The following PARP2 variants were observed in gnomAD, a reference collection of about 807,000 sequenced individuals.
The protein encoded by PARP2 is poly(ADP-ribose) polymerase 2.
A neutral mutation model predicts 77.8 loss-of-function variants in PARP2; 57 were observed. The ratio of observed to expected loss-of-function variants is 0.73; its 90% CI spans 0.59 to 0.91. PARP2 has a LOEUF of 0.91. Ranked by LOEUF, PARP2 falls within the 40% of genes least tolerant of loss-of-function variation. The probability of loss-of-function intolerance (pLI) is 0.00; values close to 1 mark genes in which losing one functional copy is unlikely to be tolerated. For synonymous variants in PARP2, 226 were observed against 242.6 expected, an observed-to-expected ratio of 0.93 and a Z score of 0.64; for missense variants, 651 against 689.0, an observed-to-expected ratio of 0.94 and a Z score of 0.62.
At chr14:20,353,262 T>TA (rs1461428877) in intron 7 of PARP2, among the ~76,000 whole-genome samples, 2 of 151,514 alleles carry the variant, frequency 1.3e-5, no homozygotes, top group Admixed American at 6.6e-5. Context: ...TTTTTTTTGA[T>TA]ACGGAGTCTC....
chr14:20,345,021 G>A lies in PARP2; in HGVS notation c.136G>A (p.Glu46Lys), dbSNP rs773793994. The change falls in exon 2 of 16, where the codon GAG (glutamate) becomes AAG (lysine). Residue 46 changes from glutamate to lysine, a missense_variant. Transcript: ENST00000429687. ...GAAAACTCGTAGATGCCAGAGACAGGAGTCGAAAAAGATGCCTGTGGCTGG... is the reference window on the plus strand; with the variant it reads ...GAAAACTCGTAGATGCCAGAGACAGAAGTCGAAAAAGATGCCTGTGGCTGG... ...AKKTRRCQRQ[E>K]SKKMPVAGGK... 1 of 1,613,972 alleles carries A rather than the reference G, an allele frequency of 6.2e-7. No homozygotes were observed. The highest frequency in any genetic ancestry group is 1.7e-5 in the Admixed American group (1 of 60,012).
At position 20,352,568 on chromosome 14, in the gene PARP2, T is replaced by TTTTTTTTTTG. The variant is rs10695113; in HGVS notation, c.600+221_600+222insTTTTTTTTTG. 3.1e-3 allele frequency: 930 copies of TTTTTTTTTTG among 296,806 alleles called. 2 individuals carry two copies. Among genetic ancestry groups the TTTTTTTTTTG allele is most frequent in the South Asian group, 5.5e-3 (69 of 12,496 alleles). The allele number at this position is 296,806 out of a possible 1,614,324, so 18.4% of individuals were successfully genotyped here. Reference sequence around the variant, plus strand: ...CAGCTGATTTTTTTTCTTTTTTTTTTGTAAAGATGAGGTTTCACTATGTTG... The same window carrying TTTTTTTTTTG: ...CAGCTGATTTTTTTTCTTTTTTTTTTTTTTTTTTTGGTAAAGATGAGGTTTCACTATGTTG... On this transcript the variant is annotated intron_variant, in intron 7 of 15. Transcript: ENST00000429687.
chr14:20,345,785 G>A lies in PARP2; in HGVS notation c.273+321G>A, dbSNP rs1353493945. 3.3e-5 allele frequency among the ~76,000 whole-genome samples: 5 copies of A among 152,096 alleles called. No individual in the cohort carries two copies. In the South Asian group the frequency reaches 8.3e-4, roughly 25 times the overall value. On this transcript the variant is annotated intron_variant, in intron 3 of 15. Coordinates refer to ENST00000429687, the MANE Select transcript of PARP2 (RefSeq NM_001042618.2). ...GTATCTGCTCCTCAGGAGACCTTAG[G>A]AAACTTTTACTCATGGCAGAAGGTG...
chr14:20,348,790 C>T (rs1055146297), intron 4 of PARP2, among the ~76,000 whole-genome samples: 26 of 151,996 alleles, frequency 1.7e-4, no homozygotes, highest in African/African-American at 5.8e-4. Context: ...GAGGCTGAGG[C>T]GGGCGGATCA....
chr14:20,347,079 A>G (rs976207566), intron 4 of PARP2, among the ~76,000 whole-genome samples, 166 bp downstream of exon 4: 21 of 148,504 alleles, frequency 1.4e-4, no homozygotes, highest in African/African-American at 5.2e-4. Context: ...CTCAGGCTGG[A>G]ATACAGTGGC....
chr14:20,353,452 C>T (rs1192281766), intron 7 of PARP2, among the ~76,000 whole-genome samples: 1 of 151,362 alleles, frequency 6.6e-6, no homozygotes, highest in East Asian at 2.0e-4. Context: ...ACCATGTTAG[C>T]CAGGATGGTC....
At chr14:20,355,305 A>G (rs555933699) in intron 9 of PARP2, 55 of 193,120 alleles carry the variant, frequency 2.8e-4, no homozygotes, top group African/African-American at 1.2e-3. Flanking sequence ...GTGATATTAG[A>G]TAGACAAAAT....
Position 20,357,502 on chromosome 14 carries a change from C to G in PARP2, c.1535C>G (p.Ser512Cys). 4 of 1,611,888 alleles carry G rather than the reference C, an allele frequency of 2.5e-6. No homozygotes were observed. Among genetic ancestry groups the G allele is most frequent in the African/African-American group, 1.3e-5 (1 of 74,928 alleles). The change falls in exon 15 of 16, where the codon TCT becomes TGT. Residue 512 changes from serine to cysteine, a missense_variant. Physicochemically the swap from Ser to Cys is moderately radical, Grantham distance 112. Transcript: ENST00000429687. The part of the protein sequence containing the change: ...TKGLGKMAPS[S>C]AHFVTLNGST... Reference sequence around the variant, plus strand: ...GGGCTGGGCAAGATGGCTCCCAGTTCTGCCCACTTCGTCACCCTGTAAGTA... The same window carrying G: ...GGGCTGGGCAAGATGGCTCCCAGTTGTGCCCACTTCGTCACCCTGTAAGTA...
At chr14:20,356,268 G>C (rs1279858282) in intron 11 of PARP2, 39 bp from the exon 12 acceptor site, 1 of 1,609,708 alleles carries the variant, frequency 6.2e-7, no homozygotes, top group South Asian at 1.1e-5. Context: ...TCAGTCTCTT[G>C]TAGAGTCTAC....
At chr14:20,348,708 C>T (rs941187034) in intron 4 of PARP2, among the ~76,000 whole-genome samples, 1 of 152,288 alleles carries the variant, frequency 6.6e-6, no homozygotes, top group East Asian at 1.9e-4. Flanking sequence ...ACTTAAAATA[C>T]CACGAGCAGA....
rs539615536 is a variant in PARP2, at chr14:20,354,053, T to C, written c.601-32T>C. On this transcript the variant is annotated intron_variant, in intron 7 of 15. Coordinates refer to ENST00000429687, the MANE Select transcript of PARP2 (RefSeq NM_001042618.2). ...AGGAATCTAGAGATGATTTCTTAGA[T>C]TGTCTTGTGTTTTGTTTGTTTTTTG... 2.6e-6 allele frequency: 4 copies of C among 1,557,950 alleles called. No individual in the cohort carries two copies. In the South Asian group the frequency reaches 4.5e-5, roughly 17 times the overall value.
chr14:20,350,875 A>G, intron 5 of PARP2, 172 bp from the exon 6 acceptor site: 1 of 624,872 alleles, frequency 1.6e-6, no homozygotes, highest in Non-Finnish European at 2.9e-6. Flanking sequence ...AGTAGTGCTC[A>G]TAGACTATGG....
chr14:20,348,462 A>C (rs1883845565), intron 4 of PARP2, among the ~76,000 whole-genome samples: 1 of 150,276 alleles, frequency 6.7e-6, no homozygotes, highest in Non-Finnish European at 1.5e-5. Context: ...TGAACTTGTG[A>C]CCTCGTGTGA....
intron 7 of PARP2, among the ~76,000 whole-genome samples, chr14:20,353,193 A>G (rs1884021274): frequency 6.6e-6 from 1 of 150,658 alleles, no homozygotes; most frequent in Admixed American, 6.6e-5. Flanking sequence ...TAAGTTTCTT[A>G]TAAAATCTTA....
chr14:20,355,960 C>G lies in PARP2; in HGVS notation c.1030C>G (p.Pro344Ala). The stretch of plus-strand genomic sequence containing the variant: ...AACAGAGCTACAAAGCCCAGAACAC[C>G]CATTGGACCAACACTATAGAAACCT... Reference protein sequence around the residue: ...VKTELQSPEHPLDQHYRNLHC... With the variant: ...VKTELQSPEHALDQHYRNLHC... The change falls in exon 11 of 16, where the codon CCA becomes GCA. Residue 344 changes from proline to alanine, a missense_variant. Transcript: ENST00000429687. 2 of 1,613,976 alleles carry G rather than the reference C, an allele frequency of 1.2e-6. No individual in the cohort carries two copies. The highest frequency in any genetic ancestry group is 1.1e-5 in the South Asian group (1 of 91,078).
rs1884158135 is a variant in PARP2 at position 20,356,517 on chromosome 14, G to A, written c.1230-73G>A. On this transcript the variant is annotated intron_variant, in intron 12 of 15. Coordinates refer to ENST00000429687, the MANE Select transcript of PARP2 (RefSeq NM_001042618.2). ...AACTTATAAGAGGGAGTCAGAGGAAGGTGTTGGCTTTTTTATGCTTATGGC... is the reference window on the plus strand; with the variant it reads ...AACTTATAAGAGGGAGTCAGAGGAAAGTGTTGGCTTTTTTATGCTTATGGC... The A allele has an allele frequency of 1.6e-5, 25 of 1,604,774 alleles. No homozygotes were observed. The South Asian group carries it at 2.6e-4, about 17-fold the overall frequency.
rs147983618 is a variant in PARP2, at chr14:20,353,639, C to A, written c.601-446C>A. On this transcript the variant is annotated intron_variant, in intron 7 of 15. Transcript: ENST00000429687. Reference sequence around the variant, plus strand: ...ATTTGTTTTCACTTCTGGATATATACCACCATAAAAAATTTAATTTAGATA... The same window carrying A: ...ATTTGTTTTCACTTCTGGATATATAACACCATAAAAAATTTAATTTAGATA... 4.7e-3 allele frequency among the ~76,000 whole-genome samples: 709 copies of A among 152,192 alleles called. 3 individuals are homozygous for A. Among genetic ancestry groups the A allele is most frequent in the Middle Eastern group, 0.024 (7 of 294 alleles).
At chr14:20,345,232 T>C (rs1398828871) in intron 2 of PARP2, 145 bp downstream of exon 2, 4 of 1,026,786 alleles carry the variant, frequency 3.9e-6, no homozygotes, top group Non-Finnish European at 5.9e-6. Flanking sequence ...ACAGCACTAA[T>C]CTACTGCCTT....
At position 20,355,622 on chromosome 14, in the gene PARP2, C is replaced by T; in HGVS notation, c.903-130C>T. 4.8e-6 allele frequency: 3 copies of T among 630,000 alleles called. No homozygotes were observed. The South Asian group carries it at 6.2e-5, about 13-fold the overall frequency. The allele number at this position is 630,000 out of a possible 1,614,324, so 39.0% of individuals were successfully genotyped here. A position where few individuals can be genotyped will look rare whatever the true frequency, so the allele number is the denominator to read the frequency against. On this transcript the variant is annotated intron_variant, in intron 9 of 15. Transcript: ENST00000429687. ...TTAAGATCTCTTTACAGATCTCTTTCTCTCTCAAATGGAAAACCTGTTTCT... is the reference window on the plus strand; with the variant it reads ...TTAAGATCTCTTTACAGATCTCTTTTTCTCTCAAATGGAAAACCTGTTTCT...
Sources: gnomAD v4.1 joint callset for allele counts (sites outside exome capture counted in the v4.1 genomes callset) on GRCh38, gnomAD v4.1.1 for gene constraint, MANE v1.5 for transcripts, NCBI Gene and HGNC (gene_info 2026-07-23, HGNC 2026-07-21) for gene names.